SHANK2: variants seen among roughly 807,000 people sequenced by gnomAD.
The protein encoded by SHANK2 is SH3 and multiple ankyrin repeat domains protein 2.
In SHANK2, 43 loss-of-function variants were observed where a neutral mutation model predicts 133.7. That is an observed-to-expected ratio of 0.32 (90% CI 0.25 to 0.41). SHANK2 has a LOEUF of 0.41. Among genes scored for constraint, SHANK2 ranks in the 10% least tolerant of loss-of-function variants. SHANK2 has a pLI of 1.00. For synonymous variants in SHANK2, 1,017 were observed against 952.8 expected (o/e 1.07, Z -1.24); for missense variants, 1,994 against 2,235.8 (o/e 0.89, Z 2.18).
chr11:70,612,634 C>T (rs1421868136), intron 17 of SHANK2, among the ~76,000 whole-genome samples: 1 of 152,206 alleles, frequency 6.6e-6, no homozygotes, highest in Non-Finnish European at 1.5e-5. Flanking sequence ...TCCAGAAGCC[C>T]CCAGCGGCCC....
At chr11:71,226,225 T>C (rs73530362) in intron 1 of SHANK2, among the ~76,000 whole-genome samples, 14,198 of 152,202 alleles carry the variant, frequency 0.093, 765 homozygotes, top group African/African-American at 0.13. Context: ...GAGGAAATAA[T>C]CAGTGAACTG....
Position 70,885,970 on chromosome 11 carries a change from G to A in SHANK2, c.1174+10531C>T, listed in dbSNP as rs183814737. ...GGAGAAAGTAGGACCACAGCAACAC[G>A]CACGTGACCGACCCCTTCAGCTGAC... On this transcript the variant is annotated intron_variant, in intron 11 of 25. Coordinates refer to ENST00000601538, the MANE Select transcript of SHANK2 (RefSeq NM_012309.5). Among the ~76,000 whole-genome samples, 6 of 152,240 alleles carry A rather than the reference G, an allele frequency of 3.9e-5. No individual in the cohort carries two copies. The East Asian group carries it at 5.8e-4, about 15-fold the overall frequency.
At chr11:70,941,030 C>T (rs1418658661) in intron 10 of SHANK2, among the ~76,000 whole-genome samples, 2 of 152,110 alleles carry the variant, frequency 1.3e-5, no homozygotes, top group African/African-American at 4.8e-5. Context: ...GGTTTGAATC[C>T]CAGGAGGCAG....
chr11:70,838,328 G>T (rs1483823278), intron 11 of SHANK2, among the ~76,000 whole-genome samples: 1 of 152,196 alleles, frequency 6.6e-6, no homozygotes, highest in Non-Finnish European at 1.5e-5. Context: ...AACAATTGTG[G>T]CTTCCTTTGG....
intron 14 of SHANK2, among the ~76,000 whole-genome samples, chr11:70,707,372 CAAAAA>C (rs1172194976): frequency 1.7e-5 from 1 of 57,878 alleles, no homozygotes; most frequent in South Asian, 8.9e-4. Flanking sequence ...AACTCCATCT[CAAAAA>C]AAAAAAAAAA....
chr11:70,876,594 C>T (rs1406385538), intron 11 of SHANK2, among the ~76,000 whole-genome samples: 1 of 148,226 alleles, frequency 6.7e-6, no homozygotes, highest in Non-Finnish European at 1.5e-5. Flanking sequence ...ATTATACACA[C>T]ACACACACAC....
chr11:70,780,655 C>A (rs1340419726), intron 14 of SHANK2, among the ~76,000 whole-genome samples: 1 of 149,882 alleles, frequency 6.7e-6, no homozygotes, highest in Non-Finnish European at 1.5e-5. Context: ...CTCACTGCAA[C>A]CTCTACCTCT....
chr11:70,710,184 G>T (rs1401371071), intron 14 of SHANK2, among the ~76,000 whole-genome samples: 1 of 152,286 alleles, frequency 6.6e-6, no homozygotes, highest in Non-Finnish European at 1.5e-5. Flanking sequence ...ACAGGGCCTT[G>T]ACCCCTACTG....
intron 8 of SHANK2, among the ~76,000 whole-genome samples, chr11:71,082,372 C>T (rs992925134): frequency 4.5e-4 from 68 of 152,318 alleles, no homozygotes; most frequent in African/African-American, 1.4e-3. Context: ...GCAATCACCT[C>T]GATACCTAGA....
chr11:70,534,841 G>A lies in SHANK2; in HGVS notation c.2062-31910C>T, dbSNP rs964078488. 7.2e-5 allele frequency among the ~76,000 whole-genome samples: 11 copies of A among 152,320 alleles called. No individual in the cohort carries two copies. In the East Asian group the frequency reaches 1.4e-3, roughly 19 times the overall value. ...GGTGGGGACTCACGATCTGCATGAC[G>A]GTCTTTCCCTTGACTGTCTGCCTCA... On this transcript the variant is annotated intron_variant, in intron 17 of 25. Coordinates refer to ENST00000601538, the MANE Select transcript of SHANK2 (RefSeq NM_012309.5).
At chr11:70,537,916 G>A (rs2059566368) in intron 17 of SHANK2, among the ~76,000 whole-genome samples, 1 of 152,214 alleles carries the variant, frequency 6.6e-6, no homozygotes, top group Admixed American at 6.5e-5. Context: ...CACGTGCCCT[G>A]AGGAACTCTC....
chr11:70,555,634 G>C (rs1169708080), intron 17 of SHANK2, among the ~76,000 whole-genome samples: 1 of 152,236 alleles, frequency 6.6e-6, no homozygotes, highest in African/African-American at 2.4e-5. Context: ...GGCTGAGGCA[G>C]TGGATCACTT....
intron 17 of SHANK2, among the ~76,000 whole-genome samples, chr11:70,594,771 C>T (rs1172736719): frequency 2.0e-5 from 3 of 152,112 alleles, no homozygotes; most frequent in Non-Finnish European, 2.9e-5. Flanking sequence ...AGCTAATGGG[C>T]ATTCGTTGCC....
At chr11:70,621,976 G>A (rs1554998052) in intron 17 of SHANK2, among the ~76,000 whole-genome samples, 2 of 152,082 alleles carry the variant, frequency 1.3e-5, no homozygotes, top group Admixed American at 1.3e-4. Flanking sequence ...TTCTCTTCCC[G>A]GCTCTGTCCA....
chr11:71,184,371 C>A (rs1007350424), intron 2 of SHANK2, among the ~76,000 whole-genome samples: 2 of 152,154 alleles, frequency 1.3e-5, no homozygotes, highest in South Asian at 4.1e-4. Context: ...CTGGCCCCCA[C>A]GAAAAGCAAT....
chr11:70,490,188 A>G lies in SHANK2; in HGVS notation c.2551+88T>C, dbSNP rs1327224285. On this transcript the variant is annotated intron_variant, in intron 23 of 25. Transcript: ENST00000601538. ...GGTGGGACGCCAAGGCAACTGTGAG[A>G]GGCCCAGGGCTCAGAATTCCTGAGG... 5 of 1,146,052 alleles carry G rather than the reference A, an allele frequency of 4.4e-6. No homozygotes were observed. The African/African-American group carries it at 4.6e-5, about 10-fold the overall frequency. 71.0% of individuals were successfully genotyped at this position (1,146,052 alleles called of 1,614,324 possible). A position where few individuals can be genotyped will look rare whatever the true frequency, so the allele number is the denominator to read the frequency against.
At chr11:70,889,653 C>A (rs988322608) in intron 11 of SHANK2, among the ~76,000 whole-genome samples, 3 of 152,186 alleles carry the variant, frequency 2.0e-5, no homozygotes, top group African/African-American at 4.8e-5. Flanking sequence ...TGGCGCTGGG[C>A]ATCTGCATTC....
At chr11:71,244,517 A>C (rs554502158) in intron 1 of SHANK2, among the ~76,000 whole-genome samples, 1 of 152,202 alleles carries the variant, frequency 6.6e-6, no homozygotes, top group African/African-American at 2.4e-5. Flanking sequence ...CATTCTCATC[A>C]TAACACTGAG....
chr11:71,177,072 C>T lies in SHANK2; in HGVS notation c.-12-29734G>A, dbSNP rs575866790. 1.0e-3 allele frequency among the ~76,000 whole-genome samples: 157 copies of T among 152,110 alleles called. 1 individual carries two copies. The highest frequency in any genetic ancestry group is 3.1e-3 in the African/African-American group (130 of 41,500). The stretch of plus-strand genomic sequence containing the variant: ...CAGACAGTGGACTGGCATCTTTAAA[C>T]GAAAAAAGTCAAACTAGAATTCTAT... On this transcript the variant is annotated intron_variant, in intron 2 of 25. Transcript: ENST00000601538.
Sources: gnomAD v4.1 joint callset for allele counts (sites outside exome capture counted in the v4.1 genomes callset) on GRCh38, gnomAD v4.1.1 for gene constraint, MANE v1.5 for transcripts, NCBI Gene and HGNC (gene_info 2026-07-23, HGNC 2026-07-21) for gene names.